CERS6: variants seen among roughly 807,000 people sequenced by gnomAD.
The protein encoded by CERS6 is LAG1 homolog, ceramide synthase 6.
In CERS6, 26 loss-of-function variants were observed where a neutral mutation model predicts 56.8. The ratio of observed to expected loss-of-function variants is 0.46; its 90% CI spans 0.34 to 0.63. The LOEUF is 0.63. CERS6 is among the 30% of genes least tolerant of loss of function. The probability of loss-of-function intolerance (pLI) is 0.01; values close to 1 mark genes in which losing one functional copy is unlikely to be tolerated. For synonymous variants in CERS6, 164 were observed against 173.3 expected (o/e 0.95, Z 0.42); for missense variants, 415 against 467.5 (o/e 0.89, Z 1.04).
Position 168,456,325 on chromosome 2 carries a change from G to A in CERS6, c.-124G>A, listed in dbSNP as rs1413988254. ...CGGCCGCGGAGGAGGCGGCGGCGGC[G>A]GGCGGGAGCAGCGGCGGCGGCGGCA... On this transcript the variant is annotated 5_prime_UTR_variant, in exon 1 of 10. Transcript: ENST00000305747. This position sits in a 1 kb window ranked among gnomAD's most constrained non-coding sequence, Gnocchi z 4.1. 17 of 478,560 alleles carry A rather than the reference G, an allele frequency of 3.6e-5. No homozygotes were observed. The highest frequency in any genetic ancestry group is 4.8e-5 in the Non-Finnish European group (16 of 336,646). The allele number at this position is 478,560 out of a possible 1,614,324, so 29.6% of individuals were successfully genotyped here.
At chr2:168,565,526 A>G (rs1695869537) in intron 3 of CERS6, among the ~76,000 whole-genome samples, 1 of 152,158 alleles carries the variant, frequency 6.6e-6, no homozygotes, top group African/African-American at 2.4e-5. Flanking sequence ...TAATTTTTCT[A>G]TTATATAAGT....
intron 8 of CERS6, among the ~76,000 whole-genome samples, chr2:168,738,091 A>G (rs1306443552): frequency 1.3e-5 from 2 of 152,214 alleles, no homozygotes; most frequent in Non-Finnish European, 2.9e-5. Context: ...TTGTGGGTAT[A>G]TTTGAAATTT....
At chr2:168,578,693 T>G (rs940720881) in intron 3 of CERS6, among the ~76,000 whole-genome samples, 4 of 152,186 alleles carry the variant, frequency 2.6e-5, no homozygotes, top group African/African-American at 9.6e-5. Context: ...ACTTTGCATA[T>G]TATATCCTCA....
chr2:168,624,520 A>G (rs1435528102), intron 3 of CERS6, among the ~76,000 whole-genome samples: 1 of 152,124 alleles, frequency 6.6e-6, no homozygotes, highest in East Asian at 1.9e-4. Flanking sequence ...GTGAGTTAAT[A>G]TATGTAAGAC....
At chr2:168,664,456 G>A (rs1574140911) in intron 4 of CERS6, among the ~76,000 whole-genome samples, 1 of 152,184 alleles carries the variant, frequency 6.6e-6, no homozygotes, top group African/African-American at 2.4e-5. Flanking sequence ...TTCAGGGTGA[G>A]TCCACAGTGC....
At chr2:168,752,336 G>C (rs1349679426) in intron 8 of CERS6, among the ~76,000 whole-genome samples, 1 of 151,690 alleles carries the variant, frequency 6.6e-6, no homozygotes, top group African/African-American at 2.4e-5. Flanking sequence ...GAGAGAGAGA[G>C]AGGCTAAGTT....
intron 6 of CERS6, among the ~76,000 whole-genome samples, chr2:168,703,488 G>A (rs1686854724): frequency 6.6e-6 from 1 of 152,116 alleles, no homozygotes; most frequent in Non-Finnish European, 1.5e-5. Flanking sequence ...AACCCGAGAG[G>A]CGGAGATTGC....
intron 4 of CERS6, among the ~76,000 whole-genome samples, chr2:168,688,211 A>G (rs1172945049): frequency 6.6e-6 from 1 of 152,094 alleles, no homozygotes; most frequent in Non-Finnish European, 1.5e-5. Context: ...ATGTCTAAAT[A>G]TTTCATCTTT....
chr2:168,531,594 G>C (rs1321054870), intron 1 of CERS6, among the ~76,000 whole-genome samples: 2 of 152,160 alleles, frequency 1.3e-5, no homozygotes, highest in Admixed American at 6.5e-5. Context: ...GGCCAAGGCG[G>C]GTGGATCACC....
At chr2:168,568,149 T>C (rs1373463774) in intron 3 of CERS6, among the ~76,000 whole-genome samples, 1 of 152,208 alleles carries the variant, frequency 6.6e-6, no homozygotes, top group Non-Finnish European at 1.5e-5. Context: ...CATACCTTGG[T>C]CAGGCTGGCT....
intron 1 of CERS6, among the ~76,000 whole-genome samples, chr2:168,534,347 G>A (rs1003761319): frequency 1.3e-5 from 2 of 150,952 alleles, no homozygotes; most frequent in Non-Finnish European, 1.5e-5. Context: ...TTTCATCTTC[G>A]TGAGTTTGTC....
intron 8 of CERS6, among the ~76,000 whole-genome samples, chr2:168,743,202 A>ATG (rs1305742285): frequency 2.7e-5 from 4 of 148,704 alleles, no homozygotes; most frequent in Admixed American, 2.0e-4. Flanking sequence ...GTATATATAT[A>ATG]TGTGTGTGTG....
chr2:168,456,680 G>A lies in CERS6; in HGVS notation c.170+62G>A. 6.5e-7 allele frequency: 1 copy of A among 1,527,118 alleles called. No individual in the cohort carries two copies. The highest frequency in any genetic ancestry group is 8.9e-7 in the Non-Finnish European group (1 of 1,122,312). The allele number at this position is 1,527,118 out of a possible 1,614,324, so 94.6% of individuals were successfully genotyped here. A position where few individuals can be genotyped will look rare whatever the true frequency, so the allele number is the denominator to read the frequency against. On this transcript the variant is annotated intron_variant, in intron 1 of 9. Transcript: ENST00000305747. The surrounding 1 kb of genome is among the most constrained non-coding windows in gnomAD (Gnocchi z 4.1). Reference sequence around the variant, plus strand: ...CGCACACACACGCGCGCACACACTCGCGCGCTCTCTGGCGCACGCCCCCGC... The same window carrying A: ...CGCACACACACGCGCGCACACACTCACGCGCTCTCTGGCGCACGCCCCCGC...
At chr2:168,526,790 TGA>T (rs1162923794) in intron 1 of CERS6, among the ~76,000 whole-genome samples, 4 of 152,204 alleles carry the variant, frequency 2.6e-5, no homozygotes, top group African/African-American at 9.6e-5. Flanking sequence ...AGGTTTTGAA[TGA>T]GAGAGGGAGA....
At chr2:168,766,491 G>C (rs1171057620) in intron 9 of CERS6, 4 of 746,616 alleles carry the variant, frequency 5.4e-6, no homozygotes, top group Non-Finnish European at 9.4e-6. Flanking sequence ...GTAGCTCTGT[G>C]AACTGCAAGA....
At chr2:168,743,528 G>T (rs1683991146) in intron 8 of CERS6, among the ~76,000 whole-genome samples, 1 of 133,846 alleles carries the variant, frequency 7.5e-6, no homozygotes. Context: ...CCAGCTACTT[G>T]GGAAGCTGAG....
intron 1 of CERS6, among the ~76,000 whole-genome samples, chr2:168,476,385 C>T (rs1694070784): frequency 6.6e-6 from 1 of 152,090 alleles, no homozygotes; most frequent in Non-Finnish European, 1.5e-5. Flanking sequence ...TTGCAACTGC[C>T]TTCTGGAATA....
At chr2:168,483,463 G>A (rs1248551159) in intron 1 of CERS6, among the ~76,000 whole-genome samples, 1 of 152,118 alleles carries the variant, frequency 6.6e-6, no homozygotes, top group African/African-American at 2.4e-5. Context: ...TCTTTCTAGA[G>A]GGAGTCTTTG....
At chr2:168,692,911 A>G (rs1686542099) in intron 5 of CERS6, among the ~76,000 whole-genome samples, 1 of 152,164 alleles carries the variant, frequency 6.6e-6, no homozygotes, top group Admixed American at 6.6e-5. Flanking sequence ...CTTATGAGAC[A>G]TATTTATGGT....
Sources: gnomAD v4.1 joint callset for allele counts (sites outside exome capture counted in the v4.1 genomes callset) on GRCh38, gnomAD v4.1.1 for gene constraint, Gnocchi (gnomAD v3.1) non-coding constraint, MANE v1.5 for transcripts, NCBI Gene and HGNC (gene_info 2026-07-23, HGNC 2026-07-21) for gene names.